TAF4: variants seen among roughly 807,000 people sequenced by gnomAD.
TAF4 encodes TATA-box binding protein associated factor 4, also known as transcription initiation factor TFIID subunit 4.
A neutral mutation model predicts 90.3 loss-of-function variants in TAF4; 9 were observed. That is an observed-to-expected ratio of 0.10 (90% CI 0.06 to 0.17). TAF4 has a LOEUF of 0.17. Among genes scored for constraint, TAF4 ranks in the 10% least tolerant of loss-of-function variants. TAF4 has a pLI of 1.00. For synonymous variants in TAF4, 818 were observed against 638.9 expected (o/e 1.28, Z -4.23); for missense variants, 1,351 against 1,370.7 (o/e 0.99, Z 0.23).
intron 14 of TAF4, among the ~76,000 whole-genome samples, chr20:61,985,309 T>C (rs867050322): frequency 1.3e-5 from 2 of 151,708 alleles, no homozygotes; most frequent in Non-Finnish European, 2.9e-5. Context: ...CAGGCCTGGT[T>C]GTGTGTGCCT....
Position 61,998,995 on chromosome 20 carries a change from C to A in TAF4, c.2901G>T (p.Met967Ile), listed in dbSNP as rs987356346. The A allele has an allele frequency of 2.5e-6, 4 of 1,613,764 alleles. No homozygotes were observed. Among genetic ancestry groups the A allele is most frequent in the Middle Eastern group, 3.3e-4 (2 of 6,054 alleles). The change falls in exon 12 of 15, where the codon ATG becomes ATT. Residue 967 changes from methionine (M) to isoleucine (I), a missense_variant. Coordinates refer to ENST00000252996, the MANE Select transcript of TAF4 (RefSeq NM_003185.4). ...RKDEQEREIL[M>I]RAAKSRSRQE... The stretch of plus-strand genomic sequence containing the variant: ...ACCCAGCACTCGCCTTTGCTGCCCT[C>A]ATCAGGATCTCCCGCTCCTGCTCAT...
chr20:62,039,555 T>C lies in TAF4; in HGVS notation c.1361-24848A>G, dbSNP rs187143951. Among the ~76,000 whole-genome samples, 47 of 152,216 alleles carry C rather than the reference T, an allele frequency of 3.1e-4. 1 individual carries two copies. Among genetic ancestry groups the C allele is most frequent in the Non-Finnish European group, 5.6e-4 (38 of 68,038 alleles). Reference sequence around the variant, plus strand: ...AAGATGAATTCTTAAAATGACTCACTGGATTTATTTAAGAAGGCACAGGAC... The same window carrying C: ...AAGATGAATTCTTAAAATGACTCACCGGATTTATTTAAGAAGGCACAGGAC... On this transcript the variant is annotated intron_variant, in intron 1 of 14. Transcript: ENST00000252996.
intron 14 of TAF4, among the ~76,000 whole-genome samples, chr20:61,989,808 C>T (rs1370569035): frequency 1.3e-5 from 2 of 152,152 alleles, no homozygotes; most frequent in Admixed American, 6.5e-5. Flanking sequence ...CATGAGCGAA[C>T]GAATAAACCA....
At chr20:62,054,057 C>T (rs922170218) in intron 1 of TAF4, among the ~76,000 whole-genome samples, 1 of 152,252 alleles carries the variant, frequency 6.6e-6, no homozygotes, top group Non-Finnish European at 1.5e-5. Flanking sequence ...ACGCGCCACA[C>T]AGACCCACCC....
At chr20:62,034,965 C>T (rs557787910) in intron 1 of TAF4, among the ~76,000 whole-genome samples, 20 of 152,094 alleles carry the variant, frequency 1.3e-4, no homozygotes, top group Non-Finnish European at 2.4e-4. Context: ...GGACTACAGG[C>T]ACCCACCACC....
Position 61,977,185 on chromosome 20 carries a change from G to A in TAF4, c.3091-850C>T, listed in dbSNP as rs191866350. ...CCAGCGGGGCACGAGCCACACACAC[G>A]ACACCGCCCAGCGGGGCGCGCGCCA... On this transcript the variant is annotated intron_variant, in intron 14 of 14. Transcript: ENST00000252996. Among the ~76,000 whole-genome samples, 144 of 128,064 alleles carry A rather than the reference G, an allele frequency of 1.1e-3. 2 individuals carry two copies. Among genetic ancestry groups the A allele is most frequent in the Non-Finnish European group, 1.4e-3 (83 of 59,944 alleles). 84.0% of individuals were successfully genotyped at this position (128,064 alleles called of 152,430 possible).
chr20:62,053,326 C>T (rs1303608486), intron 1 of TAF4, among the ~76,000 whole-genome samples: 2 of 151,918 alleles, frequency 1.3e-5, no homozygotes, highest in East Asian at 1.9e-4. Flanking sequence ...CATGAGGCCG[C>T]GGGAGCCGGA....
At chr20:62,049,616 G>A (rs963081189) in intron 1 of TAF4, among the ~76,000 whole-genome samples, 2 of 78,060 alleles carry the variant, frequency 2.6e-5, no homozygotes, top group South Asian at 3.4e-4. Flanking sequence ...GAAGCACCAC[G>A]GCCCAGATCC....
intron 1 of TAF4, among the ~76,000 whole-genome samples, chr20:62,059,179 C>T (rs1241235591): frequency 3.3e-5 from 5 of 152,256 alleles, no homozygotes; most frequent in Non-Finnish European, 7.3e-5. Flanking sequence ...CACACTGCAG[C>T]ATGGCCTGCT....
At chr20:62,003,313 T>C in intron 8 of TAF4, 39 bp from the exon 9 acceptor site, 1 of 1,515,740 alleles carries the variant, frequency 6.6e-7, no homozygotes, top group Non-Finnish European at 9.2e-7. Flanking sequence ...CACAAGGCTT[T>C]TATTAGATCA....
chr20:62,034,932 T>C (rs1018392306), intron 1 of TAF4, among the ~76,000 whole-genome samples: 102 of 151,700 alleles, frequency 6.7e-4, no homozygotes, highest in Middle Eastern at 3.4e-3. Context: ...GCCATTCTCC[T>C]GCCTCAGCCT....
At chr20:62,014,043 T>G (rs1206285764) in intron 2 of TAF4, among the ~76,000 whole-genome samples, 3 of 124,750 alleles carry the variant, frequency 2.4e-5, no homozygotes, top group African/African-American at 1.4e-4. Context: ...TGTGTGTGTG[T>G]GTATGTGTGT....
At chr20:62,022,864 C>G (rs189597408) in intron 1 of TAF4, among the ~76,000 whole-genome samples, 1 of 99,922 alleles carries the variant, frequency 1.0e-5, no homozygotes, top group East Asian at 6.8e-4. Flanking sequence ...ACTTGCAGCC[C>G]CCCCCCCGCA....
chr20:61,989,936 A>G (rs1307202515), intron 14 of TAF4, among the ~76,000 whole-genome samples: 1 of 152,222 alleles, frequency 6.6e-6, no homozygotes, highest in Non-Finnish European at 1.5e-5. Flanking sequence ...CAGGCGGTTA[A>G]TAACATTGAG....
intron 1 of TAF4, among the ~76,000 whole-genome samples, chr20:62,060,059 G>A (rs991445483): frequency 2.6e-5 from 4 of 152,254 alleles, no homozygotes; most frequent in Non-Finnish European, 5.9e-5. Flanking sequence ...AGCCCGGTCT[G>A]TGCTGCTCTG....
At chr20:62,028,510 TG>T (rs369190237) in intron 1 of TAF4, among the ~76,000 whole-genome samples, 22 of 152,178 alleles carry the variant, frequency 1.4e-4, no homozygotes, top group African/African-American at 5.3e-4. Context: ...ACAGGGAACT[TG>T]TATGTGCGTA....
chr20:62,065,728 G>A lies in TAF4; in HGVS notation c.83C>T (p.Ser28Leu). Residue 28 changes from serine to leucine, a missense_variant, in exon 1 of 15, where the codon TCG (serine) becomes TTG (leucine). Ser to Leu is a moderately radical substitution (Grantham distance 145). Transcript: ENST00000252996. ...DEKVVSDLVGSLESQLAASAA... is the reference protein window; with the variant it reads ...DEKVVSDLVGLLESQLAASAA... ...GCTGGCCGCCAGCTGCGACTCCAGC[G>A]AGCCCACCAGGTCGCTCACCACTTT... The A allele has an allele frequency of 1.5e-6, 2 of 1,312,660 alleles. No individual in the cohort carries two copies. The highest frequency in any genetic ancestry group is 2.7e-5 in the South Asian group (2 of 73,194). 81.3% of individuals were successfully genotyped at this position (1,312,660 alleles called of 1,614,324 possible). A position where few individuals can be genotyped will look rare whatever the true frequency, so the allele number is the denominator to read the frequency against.
Position 62,010,181 on chromosome 20 carries a change from A to C in TAF4, c.1642-16T>G. 6.2e-7 allele frequency: 1 copy of C among 1,613,532 alleles called. No individual in the cohort carries two copies. The highest frequency in any genetic ancestry group is 8.5e-7 in the Non-Finnish European group (1 of 1,179,954). Reference sequence around the variant, plus strand: ...CGAGCTGAGGCTACAAGAATCCAAAAACACAAGGTAAGGGCATCTCACGCC... The same window carrying C: ...CGAGCTGAGGCTACAAGAATCCAAACACACAAGGTAAGGGCATCTCACGCC... On this transcript the variant is annotated splice_polypyrimidine_tract_variant and intron_variant, in intron 3 of 14. Transcript: ENST00000252996. The surrounding 1 kb of genome is among the most constrained non-coding windows in gnomAD (Gnocchi z 4.5).
At chr20:62,039,160 C>G (rs140378155) in intron 1 of TAF4, among the ~76,000 whole-genome samples, 825 of 152,272 alleles carry the variant, frequency 5.4e-3, no homozygotes, top group Non-Finnish European at 8.5e-3. Flanking sequence ...CAGCCCTCAA[C>G]GTTTTCGAAA....
Sources: allele counts gnomAD v4.1 joint callset (sites outside exome capture counted in the v4.1 genomes callset), GRCh38; gene constraint gnomAD v4.1.1; non-coding constraint Gnocchi (gnomAD v3.1); transcripts MANE v1.5; gene names NCBI Gene and HGNC (gene_info 2026-07-23, HGNC 2026-07-21).